ADPRM: variants seen among roughly 807,000 people sequenced by gnomAD.
ADPRM encodes the protein manganese-dependent ADP-ribose/CDP-alcohol diphosphatase.
Under a neutral mutation model 27.2 loss-of-function variants are expected in ADPRM, and 17 were observed. That is an observed-to-expected ratio of 0.63 (90% confidence interval 0.43 to 0.94). ADPRM has a LOEUF of 0.94. Among genes scored for constraint, ADPRM ranks in the 40% least tolerant of loss-of-function variants. The pLI is 0.00. For missense variants in ADPRM, 337 were observed against 412.8 expected (o/e 0.82, Z 1.59); for synonymous variants, 135 against 145.3 (o/e 0.93, Z 0.51).
At chr17:10,704,875 T>G (rs2074803059) in intron 1 of ADPRM, 35 bp from the exon 2 acceptor site, 1 of 1,452,256 alleles carries the variant, frequency 6.9e-7, no homozygotes. Context: ...ATTAAAACGT[T>G]TATAATTTAG....
chr17:10,700,766 G>GAA (rs571890298), intron 1 of ADPRM, among the ~76,000 whole-genome samples: 16 of 112,306 alleles, frequency 1.4e-4, no homozygotes, highest in Admixed American at 2.9e-4. Flanking sequence ...CCTGTCTCAG[G>GAA]AAAAAAAAAA....
In ADPRM at chr17:10,702,417, C is replaced by G. The variant is rs2074784928; in HGVS notation, c.-17-2493C>G. ...ATGACAGAAAATCAATTTGATTTAG[C>G]TTTAAGCCCAGGAGAATTTATGTGC... On this transcript the variant is annotated intron_variant, in intron 1 of 3. Transcript: ENST00000379774. The surrounding 1 kb of genome is among the most constrained non-coding windows in gnomAD (Gnocchi z 4.2). Among the ~76,000 whole-genome samples, 1 of 152,184 alleles carries G rather than the reference C, an allele frequency of 6.6e-6. No homozygotes were observed. The highest frequency in any genetic ancestry group is 1.5e-5 in the Non-Finnish European group (1 of 68,034).
At chr17:10,699,341 T>A (rs1016326421) in intron 1 of ADPRM, 5 of 152,074 alleles carry the variant, frequency 3.3e-5, no homozygotes, top group Non-Finnish European at 7.4e-5. Context: ...GCATTTTGGA[T>A]GAATTGCTAG....
At position 10,710,898 on chromosome 17, in the gene ADPRM, C is replaced by T; in HGVS notation, c.783C>T (p.Ala261=). The change falls in exon 4 of 4, where the codon GCC becomes GCT. Residue 261 remains alanine, a synonymous_variant. Transcript: ENST00000379774. ...GCCTGGCCTGGAACTACAGAGATGC[C>T]CTGGCAGTCATTTGGTCTCATGAGT... ...NVCLAWNYRD[A]LAVIWSHECV... 3 of 1,614,180 alleles carry T rather than the reference C, an allele frequency of 1.9e-6. No individual in the cohort carries two copies. Among genetic ancestry groups the T allele is most frequent in the Non-Finnish European group, 2.5e-6 (3 of 1,180,026 alleles).
intron 1 of ADPRM, 33 bp downstream of exon 1, chr17:10,697,700 G>GGC (rs2074743276): frequency 1.4e-6 from 1 of 738,686 alleles, no homozygotes; most frequent in African/African-American, 1.7e-5. Context: ...AGGCGGGTCT[G>GGC]GCGCGGGCTG....
At position 10,699,220 on chromosome 17, in the gene ADPRM, G is replaced by T. The variant is rs548482819; in HGVS notation, c.-18+1553G>T. ...GGAGTTTGAAGCTGCAGTGAGCTGT[G>T]ATCGGGCCACTGCCTTCCAGTCTGG... On this transcript the variant is annotated intron_variant, in intron 1 of 3. Coordinates refer to ENST00000379774, the MANE Select transcript of ADPRM (RefSeq NM_020233.5). The T allele has an allele frequency of 3.9e-5, 6 of 152,294 alleles. 2 individuals carry two copies. The highest frequency in any genetic ancestry group is 1.2e-4 in the African/African-American group (5 of 41,558). The allele number at this position is 152,294 out of a possible 1,614,324, so 9.4% of individuals were successfully genotyped here.
At chr17:10,700,060 C>T (rs1319118825) in intron 1 of ADPRM, among the ~76,000 whole-genome samples, 1 of 152,194 alleles carries the variant, frequency 6.6e-6, no homozygotes, top group Non-Finnish European at 1.5e-5. Context: ...ACATTTCCTG[C>T]CCCAACTTAA....
Position 10,704,980 on chromosome 17 carries a change from C to CAAA in ADPRM, c.54_55insAAA (p.Phe18_Ser19insLys). On this transcript the variant is annotated inframe_insertion, in exon 2 of 4. Transcript: ENST00000379774. Reference sequence around the variant, plus strand: ...TAAGTGACAGTTCAGAGCGTCTTTTCTCCTTTGGCGTCATCGCAGATGTTC... The same window carrying CAAA: ...TAAGTGACAGTTCAGAGCGTCTTTTCAAATCCTTTGGCGTCATCGCAGATGTTC... 1 of 1,613,992 alleles carries CAAA rather than the reference C, an allele frequency of 6.2e-7. No individual in the cohort carries two copies. Among genetic ancestry groups the CAAA allele is most frequent in the Non-Finnish European group, 8.5e-7 (1 of 1,179,964 alleles).
At chr17:10,706,386 CA>C in intron 2 of ADPRM, 51 bp from the exon 3 acceptor site, 1 of 1,304,180 alleles carries the variant, frequency 7.7e-7, no homozygotes, top group African/African-American at 1.5e-5. Context: ...TTTGAATGTC[CA>C]AATGAGGGGA....
chr17:10,703,842 G>C (rs571844492), intron 1 of ADPRM, among the ~76,000 whole-genome samples: 12 of 152,276 alleles, frequency 7.9e-5, no homozygotes, highest in Middle Eastern at 3.4e-3. Context: ...AGTTTTGTTT[G>C]AATCATTAGC....
At chr17:10,703,797 C>A (rs773020482) in intron 1 of ADPRM, among the ~76,000 whole-genome samples, 1 of 152,134 alleles carries the variant, frequency 6.6e-6, no homozygotes, top group Non-Finnish European at 1.5e-5. Flanking sequence ...GTCTTTATGA[C>A]AAAAATCGTT....
At position 10,705,608 on chromosome 17, in the gene ADPRM, C is replaced by T. The variant is rs2074807792; in HGVS notation, c.601+81C>T. On this transcript the variant is annotated intron_variant, in intron 2 of 3. Transcript: ENST00000379774. The surrounding 1 kb of genome is among the most constrained non-coding windows in gnomAD (Gnocchi z 5.4). Reference sequence around the variant, plus strand: ...ACCTTTTATTCAGCAGGAAGATGGACAATTAAGGTAAAAGTATATTGTCAC... The same window carrying T: ...ACCTTTTATTCAGCAGGAAGATGGATAATTAAGGTAAAAGTATATTGTCAC... 6.5e-7 allele frequency: 1 copy of T among 1,533,802 alleles called. No homozygotes were observed. Among genetic ancestry groups the T allele is most frequent in the Non-Finnish European group, 8.7e-7 (1 of 1,144,734 alleles).
intron 3 of ADPRM, among the ~76,000 whole-genome samples, chr17:10,709,586 A>G (rs2074837742): frequency 6.6e-6 from 1 of 152,184 alleles, no homozygotes; most frequent in Admixed American, 6.5e-5. Flanking sequence ...CAAGTGTTTC[A>G]GGGAGAAGGG....
rs991211205 is a variant in ADPRM, at chr17:10,702,522, C to T, written c.-17-2388C>T. Among the ~76,000 whole-genome samples the T allele has an allele frequency of 2.6e-5, 4 of 152,146 alleles. No homozygotes were observed. Among genetic ancestry groups the T allele is most frequent in the Non-Finnish European group, 5.9e-5 (4 of 68,020 alleles). ...TTCAACTAATGTTTTCAGAAATCTC[C>T]ATCTTTCCATCATTCAGAATTGTTT... is the stretch of plus-strand genomic sequence containing the variant. On this transcript the variant is annotated intron_variant, in intron 1 of 3. Coordinates refer to ENST00000379774, the MANE Select transcript of ADPRM (RefSeq NM_020233.5). This position sits in a 1 kb window ranked among gnomAD's most constrained non-coding sequence, Gnocchi z 4.2.
At chr17:10,709,985 A>G (rs1000259904) in intron 3 of ADPRM, among the ~76,000 whole-genome samples, 5 of 152,242 alleles carry the variant, frequency 3.3e-5, no homozygotes, top group Admixed American at 1.3e-4. Flanking sequence ...AAAAGTGGGT[A>G]TGGCTACCTT....
At position 10,710,857 on chromosome 17, in the gene ADPRM, G is replaced by A. The variant is rs199523732; in HGVS notation, c.742G>A (p.Ala248Thr). ...IVSHLPIYPD[A>T]SDNVCLAWNY... Reference sequence around the variant, plus strand: ...AGGCCATCTTCCCATTTACCCGGACGCCTCTGACAATGTGTGCCTGGCCTG... The same window carrying A: ...AGGCCATCTTCCCATTTACCCGGACACCTCTGACAATGTGTGCCTGGCCTG... Residue 248 changes from alanine (A) to threonine (T), a missense_variant, in exon 4 of 4, where the codon GCC (alanine) becomes ACC (threonine). By Grantham distance (58) the Ala-to-Thr change is moderately conservative (BLOSUM62 0). Transcript: ENST00000379774. 718 of 1,613,686 alleles carry A rather than the reference G, an allele frequency of 4.4e-4. 1 individual carries two copies. The highest frequency in any genetic ancestry group is 5.6e-4 in the Non-Finnish European group (662 of 1,179,860).
chr17:10,711,148 A>T lies in ADPRM; in HGVS notation c.*4A>T. ...AGAAAGAGCCTTCCATTGTTAGTCT[A>T]ATTTATTTTAACTTGATAGAAAATG... is the stretch of plus-strand genomic sequence containing the variant. On this transcript the variant is annotated 3_prime_UTR_variant, in exon 4 of 4. Transcript: ENST00000379774. 6.3e-7 allele frequency: 1 copy of T among 1,588,816 alleles called. No homozygotes were observed. Among genetic ancestry groups the T allele is most frequent in the Non-Finnish European group, 8.6e-7 (1 of 1,164,864 alleles).
At chr17:10,708,800 A>G (rs550309218) in intron 3 of ADPRM, among the ~76,000 whole-genome samples, 1 of 152,234 alleles carries the variant, frequency 6.6e-6, no homozygotes, top group Non-Finnish European at 1.5e-5. Context: ...AAAGATAAGG[A>G]AACTGAAGCC....
chr17:10,701,417 G>A (rs1397448878), intron 1 of ADPRM, among the ~76,000 whole-genome samples: 5 of 151,436 alleles, frequency 3.3e-5, no homozygotes, highest in Admixed American at 6.6e-5. Flanking sequence ...TGCAAGCTCC[G>A]CCTCCCAGGT....
Sources: gnomAD v4.1 joint callset for allele counts (sites outside exome capture counted in the v4.1 genomes callset) on GRCh38, gnomAD v4.1.1 for gene constraint, Gnocchi (gnomAD v3.1) non-coding constraint, MANE v1.5 for transcripts, NCBI Gene and HGNC (gene_info 2026-07-23, HGNC 2026-07-21) for gene names.